Variants in SCHIP1 observed in about 807,000 individuals in gnomAD.
The protein encoded by SCHIP1 is schwannomin-interacting protein 1.
Under a neutral mutation model 29.7 loss-of-function variants are expected in SCHIP1, and 8 were observed. That is an observed-to-expected ratio of 0.27 (90% confidence interval 0.16 to 0.49). The LOEUF is 0.49. SCHIP1 is among the 20% of genes least tolerant of loss of function. The pLI is 0.99. For synonymous variants in SCHIP1, 76 were observed against 94.9 expected (o/e 0.80, Z 1.16); for missense variants, 193 against 294.6 (o/e 0.66, Z 2.52).
At chr3:159,825,776 A>G in the SCHIP1 span, among the ~76,000 whole-genome samples, 1 of 152,194 alleles carries the variant, frequency 6.6e-6, no homozygotes, top group Non-Finnish European at 1.5e-5. Context: ...TTAGAGGGAA[A>G]AAAAAACAGT....
chr3:159,522,889 A>G, the SCHIP1 span, among the ~76,000 whole-genome samples: 1 of 152,104 alleles, frequency 6.6e-6, no homozygotes, highest in Admixed American at 6.5e-5. Context: ...ACAAAACAAA[A>G]CAAAAACCAC....
chr3:159,888,155 A>G (rs1258232547), intron 4 of SCHIP1: 1 of 528,244 alleles, frequency 1.9e-6, no homozygotes, highest in Non-Finnish European at 3.4e-6. Context: ...TAGCAACAAT[A>G]TTAGCTGCCA....
At chr3:159,398,794 A>G in the SCHIP1 span, 2 of 162,702 alleles carry the variant, frequency 1.2e-5, no homozygotes, top group Non-Finnish European at 2.6e-5. Context: ...TCCCATTCAT[A>G]AGAATGAGAA....
the SCHIP1 span, among the ~76,000 whole-genome samples, chr3:159,362,327 T>C: frequency 6.6e-6 from 1 of 152,184 alleles, no homozygotes; most frequent in Non-Finnish European, 1.5e-5. Flanking sequence ...GTGCAGAATT[T>C]TGTAGTCTTG....
chr3:159,401,014 A>T, the SCHIP1 span: 14 of 170,424 alleles, frequency 8.2e-5, no homozygotes, highest in African/African-American at 3.4e-4. Flanking sequence ...ATCAGAAGGG[A>T]TTGTGTTTAC....
At chr3:159,314,159 A>T in the SCHIP1 span, among the ~76,000 whole-genome samples, 6 of 152,160 alleles carry the variant, frequency 3.9e-5, no homozygotes, top group African/African-American at 1.4e-4. Flanking sequence ...CACTGCAGAC[A>T]CCTGCTTTTC....
chr3:159,560,357 CGA>C, the SCHIP1 span, among the ~76,000 whole-genome samples: 1 of 152,122 alleles, frequency 6.6e-6, no homozygotes, highest in Non-Finnish European at 1.5e-5. Context: ...TAATGGCTTA[CGA>C]GAGTGAATCT....
chr3:159,680,722 A>AT, the SCHIP1 span, among the ~76,000 whole-genome samples: 2 of 5,998 alleles, frequency 3.3e-4, no homozygotes, highest in Admixed American at 3.4e-3. Flanking sequence ...TAATATATGT[A>AT]TATATATAAT....
the SCHIP1 span, among the ~76,000 whole-genome samples, chr3:159,537,370 G>C: frequency 2.6e-5 from 4 of 152,068 alleles, no homozygotes; most frequent in African/African-American, 4.8e-5. Context: ...CTGTCTCAGG[G>C]CCTCTGAGGA....
the SCHIP1 span, among the ~76,000 whole-genome samples, chr3:159,353,036 C>A: frequency 7.2e-5 from 11 of 152,024 alleles, no homozygotes; most frequent in African/African-American, 2.7e-4. Flanking sequence ...CTGTTCAACC[C>A]TTTTTCATGC....
At chr3:159,551,533 A>G in the SCHIP1 span, among the ~76,000 whole-genome samples, 1 of 152,200 alleles carries the variant, frequency 6.6e-6, no homozygotes, top group Non-Finnish European at 1.5e-5. Context: ...ATCAATATCT[A>G]TAAAATTGTT....
chr3:159,432,652 G>A, the SCHIP1 span, among the ~76,000 whole-genome samples: 1 of 152,158 alleles, frequency 6.6e-6, no homozygotes, highest in African/African-American at 2.4e-5. Context: ...GTAGTTAAAT[G>A]ATCTGAGATT....
At chr3:159,516,755 A>G in the SCHIP1 span, among the ~76,000 whole-genome samples, 1 of 151,600 alleles carries the variant, frequency 6.6e-6, no homozygotes, top group South Asian at 2.1e-4. Flanking sequence ...CACTGCTTAG[A>G]CTCCTCCTGT....
chr3:159,285,808 A>G, the SCHIP1 span, among the ~76,000 whole-genome samples: 1 of 152,120 alleles, frequency 6.6e-6, no homozygotes, highest in African/African-American at 2.4e-5. Flanking sequence ...TTTGTTGAGG[A>G]CCTACTCCTT....
the SCHIP1 span, among the ~76,000 whole-genome samples, chr3:159,608,510 A>G: frequency 6.6e-6 from 1 of 152,194 alleles, no homozygotes; most frequent in African/African-American, 2.4e-5. Context: ...AATGTGTCAG[A>G]CTGTGGCCGA....
At chr3:159,343,501 G>A in the SCHIP1 span, among the ~76,000 whole-genome samples, 3 of 152,134 alleles carry the variant, frequency 2.0e-5, no homozygotes, top group African/African-American at 7.2e-5. Context: ...TGCTCTATGT[G>A]TCACCATGTT....
At chr3:159,296,240 C>T in the SCHIP1 span, among the ~76,000 whole-genome samples, 1 of 151,958 alleles carries the variant, frequency 6.6e-6, no homozygotes, top group Admixed American at 6.6e-5. Context: ...AGACTATTCT[C>T]CATTTAGCAG....
chr3:159,636,036 CAATATTTT>C, the SCHIP1 span, among the ~76,000 whole-genome samples: 2 of 152,014 alleles, frequency 1.3e-5, no homozygotes, highest in Non-Finnish European at 2.9e-5. Flanking sequence ...TTTAATTTTG[CAATATTTT>C]ATTATTTTAT....
the SCHIP1 span, among the ~76,000 whole-genome samples, chr3:159,543,568 T>G: frequency 1.3e-5 from 2 of 151,632 alleles, no homozygotes; most frequent in Non-Finnish European, 2.9e-5. Context: ...TATGGCTGCA[T>G]AGTATTCCAT....
Sources: allele counts gnomAD v4.1 joint callset (sites outside exome capture counted in the v4.1 genomes callset), GRCh38; gene constraint gnomAD v4.1.1; transcripts MANE v1.5; gene names NCBI Gene and HGNC (gene_info 2026-07-23, HGNC 2026-07-21).